ATP8B4: variants seen among roughly 807,000 people sequenced by gnomAD.
The protein encoded by ATP8B4 is probable phospholipid-transporting ATPase IM.
In ATP8B4, 133 loss-of-function variants were observed where a neutral mutation model predicts 145.6. The ratio of observed to expected loss-of-function variants is 0.91; its 90% CI spans 0.79 to 1.05. The LOEUF is 1.05. Among genes scored for constraint, ATP8B4 ranks in the 50% least tolerant of loss-of-function variants. ATP8B4 has a pLI of 0.00. For missense variants in ATP8B4, 1,458 were observed against 1,425.2 expected (o/e 1.02, Z -0.37); for synonymous variants, 507 against 492.9 (o/e 1.03, Z -0.38).
At chr15:50,099,168 A>T (rs2056186772) in intron 2 of ATP8B4, among the ~76,000 whole-genome samples, 1 of 152,196 alleles carries the variant, frequency 6.6e-6, no homozygotes, top group African/African-American at 2.4e-5. Flanking sequence ...GCCTCTAATT[A>T]TGTACTTCTT....
Position 49,945,265 on chromosome 15 carries a change from AACAG to A in ATP8B4, c.1288-11087_1288-11084del, listed in dbSNP as rs1392179924. On this transcript the variant is annotated intron_variant, in intron 14 of 27. Coordinates refer to ENST00000284509, the MANE Select transcript of ATP8B4 (RefSeq NM_024837.4). ...ACCAACAAAGTGGAAACACTAGAAA[AACAG>A]ACAAACTCCTAGAAACATAAAACCT... Among the ~76,000 whole-genome samples the A allele has an allele frequency of 2.6e-5, 4 of 152,158 alleles. No homozygotes were observed. The East Asian group carries it at 7.7e-4, about 29-fold the overall frequency.
intron 6 of ATP8B4, among the ~76,000 whole-genome samples, chr15:50,037,434 A>G (rs1331182711): frequency 1.3e-5 from 2 of 152,240 alleles, no homozygotes; most frequent in Admixed American, 6.5e-5. Context: ...ACAACATACA[A>G]GACACTGGGC....
intron 8 of ATP8B4, among the ~76,000 whole-genome samples, chr15:49,999,298 A>G (rs935292465): frequency 1.1e-4 from 16 of 148,266 alleles, no homozygotes; most frequent in African/African-American, 4.0e-4. Flanking sequence ...AAAACCAAAC[A>G]CCGCATATTC....
At chr15:49,898,546 A>G (rs2037673851) in intron 21 of ATP8B4, among the ~76,000 whole-genome samples, 1 of 152,226 alleles carries the variant, frequency 6.6e-6, no homozygotes, top group Non-Finnish European at 1.5e-5. Flanking sequence ...AGAGAGTTAA[A>G]TGCTGGAGAA....
At chr15:50,121,229 A>G (rs904556580), upstream of ATP8B4, among the ~76,000 whole-genome samples, 2 of 152,164 alleles carry the variant, frequency 1.3e-5, no homozygotes, top group African/African-American at 4.8e-5. Context: ...ATAAGCACTC[A>G]TGAATAATGA....
chr15:50,111,942 A>C (rs192976087), intron 1 of ATP8B4, among the ~76,000 whole-genome samples: 9 of 152,216 alleles, frequency 5.9e-5, no homozygotes, highest in Admixed American at 5.9e-4. Context: ...CTGAAGTGGG[A>C]GGATTGTTTG....
intron 10 of ATP8B4, among the ~76,000 whole-genome samples, chr15:49,982,998 C>T (rs57498160): frequency 0.67 from 101,581 of 151,904 alleles, 35,724 homozygotes; most frequent in East Asian, 0.95. Flanking sequence ...TGGTAGCTCC[C>T]TTCCTGTCTT....
intron 1 of ATP8B4, among the ~76,000 whole-genome samples, chr15:50,174,159 C>T (rs148578512): frequency 0.017 from 2,536 of 152,184 alleles, 53 homozygotes; most frequent in East Asian, 0.098. Flanking sequence ...TAATAAAAGC[C>T]ATCTATGACA....
intron 1 of ATP8B4, among the ~76,000 whole-genome samples, chr15:50,124,492 G>C (rs1168879536): frequency 6.6e-6 from 1 of 152,160 alleles, no homozygotes; most frequent in East Asian, 1.9e-4. Context: ...GCCACAGATA[G>C]AGACCCGGAT....
intron 12 of ATP8B4, among the ~76,000 whole-genome samples, chr15:49,975,405 T>C (rs2045576019): frequency 6.6e-6 from 1 of 152,182 alleles, no homozygotes; most frequent in African/African-American, 2.4e-5. Context: ...TCCATAACTT[T>C]TTTGTATACC....
chr15:50,113,253 C>T (rs1259815440), intron 1 of ATP8B4: 6 of 152,244 alleles, frequency 3.9e-5, no homozygotes, highest in African/African-American at 1.4e-4. Flanking sequence ...AACTGAAACT[C>T]AGCCATGAGA....
intron 1 of ATP8B4, among the ~76,000 whole-genome samples, chr15:50,156,119 A>T (rs546841939): frequency 0.036 from 350 of 9,756 alleles, 38 homozygotes; most frequent in South Asian, 0.051. Flanking sequence ...TATATATATA[A>T]ATATATTTAT....
At chr15:50,007,101 A>G (rs527637758) in intron 7 of ATP8B4, among the ~76,000 whole-genome samples, 1 of 91,394 alleles carries the variant, frequency 1.1e-5, no homozygotes, top group Non-Finnish European at 2.1e-5. Flanking sequence ...AACATAAAAA[A>G]AATAAATAAA....
Position 50,103,561 on chromosome 15 carries a change from T to C in ATP8B4, c.28+3378A>G, listed in dbSNP as rs566635106. ...TGAAAGACCTCTACAAGGAAGACTA[T>C]AAAACACTGCTGAAAGAAATCATAG... On this transcript the variant is annotated intron_variant, in intron 2 of 27. Transcript: ENST00000284509. Among the ~76,000 whole-genome samples the C allele has an allele frequency of 5.9e-5, 9 of 152,096 alleles. No homozygotes were observed. The South Asian group carries it at 1.9e-3, about 32-fold the overall frequency.
At chr15:50,023,779 C>CAAAAAAAAAAAAAAAAAAAAAAAAAGA (rs60030651) in intron 6 of ATP8B4, among the ~76,000 whole-genome samples, 18 of 75,050 alleles carry the variant, frequency 2.4e-4, no homozygotes, top group African/African-American at 3.2e-4. Context: ...AGACCAAAGG[C>CAAAAAAAAAAAAAAAAAAAAAAAAAGA]AAAAAAAAAA....
chr15:50,027,256 A>C (rs906137795), intron 6 of ATP8B4, among the ~76,000 whole-genome samples: 1 of 152,156 alleles, frequency 6.6e-6, no homozygotes, highest in African/African-American at 2.4e-5. Flanking sequence ...TTATTTGTCC[A>C]TCTCTTCCCC....
At chr15:50,009,533 T>C (rs2048567298) in intron 7 of ATP8B4, 1 of 361,720 alleles carries the variant, frequency 2.8e-6, no homozygotes, top group Non-Finnish European at 5.4e-6. Context: ...AAGTCTTTAC[T>C]GTCACTGAAA....
chr15:50,157,783 C>T (rs1374518654), intron 1 of ATP8B4, among the ~76,000 whole-genome samples: 2 of 152,182 alleles, frequency 1.3e-5, no homozygotes, highest in East Asian at 3.9e-4. Flanking sequence ...CCTCTCTCTC[C>T]ACGGTCTCCC....
At chr15:49,965,503 T>C (rs2044448539) in intron 13 of ATP8B4, among the ~76,000 whole-genome samples, 3 of 152,182 alleles carry the variant, frequency 2.0e-5, no homozygotes, top group Admixed American at 2.0e-4. Context: ...AGGAACAATC[T>C]GCAAAACGGC....
Sources: gnomAD v4.1 joint callset for allele counts (sites outside exome capture counted in the v4.1 genomes callset) on GRCh38, gnomAD v4.1.1 for gene constraint, MANE v1.5 for transcripts, NCBI Gene and HGNC (gene_info 2026-07-23, HGNC 2026-07-21) for gene names.